TTLL4: variants seen among roughly 807,000 people sequenced by gnomAD.
The protein encoded by TTLL4 is tubulin tyrosine ligase like 4.
TTLL4 carries 85 observed loss-of-function variants against 122.7 expected under a neutral mutation model. That is an observed-to-expected ratio of 0.69 (90% CI 0.58 to 0.83). TTLL4 has a LOEUF of 0.83. Ranked by LOEUF, TTLL4 falls within the 40% of genes least tolerant of loss-of-function variation. The pLI is 0.00. For synonymous variants in TTLL4, 553 were observed against 563.0 expected, an observed-to-expected ratio of 0.98 and a Z score of 0.25; for missense variants, 1,363 against 1,488.6, an observed-to-expected ratio of 0.92 and a Z score of 1.39.
chr2:218,719,685 A>G (rs1292791122), intron 1 of TTLL4, among the ~76,000 whole-genome samples: 1 of 152,090 alleles, frequency 6.6e-6, no homozygotes. Flanking sequence ...TCATGGCCCT[A>G]CTCCACACCA....
In TTLL4 at chr2:218,752,883, T is replaced by C. The variant is rs775082642; in HGVS notation, c.3097T>C (p.Ser1033Pro). Reference sequence around the variant, plus strand: ...ACGAATTTTTCCTTCTCATATCTCCTCTCGCTATCTCCGCTTTTTTGAGCA... The same window carrying C: ...ACGAATTTTTCCTTCTCATATCTCCCCTCGCTATCTCCGCTTTTTTGAGCA... ...FERIFPSHIS[S>P]RYLRFFEQPR... The change falls in exon 17 of 20, where the codon TCT becomes CCT. Residue 1033 changes from serine (S) to proline (P), a missense_variant. By Grantham distance (74) the Ser-to-Pro change is moderately conservative. Around this residue, in one of 3 missense-constraint regions of TTLL4, gnomAD observed 596 missense variants for 655.8 expected, o/e 0.91. Transcript: ENST00000392102. 6 of 1,614,058 alleles carry C rather than the reference T, an allele frequency of 3.7e-6. No homozygotes were observed. In the East Asian group the frequency reaches 1.1e-4, roughly 30 times the overall value.
At chr2:218,753,357 C>T in intron 18 of TTLL4, 172 bp downstream of exon 18, 2 of 866,924 alleles carry the variant, frequency 2.3e-6, no homozygotes, top group South Asian at 3.1e-5. Flanking sequence ...CCAGGATTCC[C>T]TGGGTACCTT....
chr2:218,724,715 C>CTGCCATTT (rs1000661829), intron 1 of TTLL4, among the ~76,000 whole-genome samples: 1 of 152,082 alleles, frequency 6.6e-6, no homozygotes, highest in African/African-American at 2.4e-5. Context: ...GGACTTACTA[C>CTGCCATTT]TGCCATTTTG....
chr2:218,754,325 C>T lies in TTLL4; in HGVS notation c.3536C>T (p.Ser1179Leu), dbSNP rs1202311996. 1.2e-6 allele frequency: 2 copies of T among 1,614,184 alleles called. No individual in the cohort carries two copies. The highest frequency in any genetic ancestry group is 3.3e-5 in the Admixed American group (2 of 60,030). The change falls in exon 20 of 20, where the codon TCA (serine) becomes TTA (leucine). Residue 1179 changes from serine to leucine, a missense_variant. Ser to Leu is a moderately radical substitution (Grantham distance 145). This residue lies in a region of TTLL4 where 596 missense variants were observed against 655.8 expected (regional missense o/e 0.91). Transcript: ENST00000392102. ...GTGATCAAGTGCTCTGGGCAGACTT[C>T]AAGACTTTCTGCTTCCTCCACTTTC... is the stretch of plus-strand genomic sequence containing the variant. ...LPVIKCSGQT[S>L]RLSASSTFQS...
At chr2:218,752,552 A>G (rs1359988687) in intron 16 of TTLL4, among the ~76,000 whole-genome samples, 8 of 152,120 alleles carry the variant, frequency 5.3e-5, no homozygotes, top group East Asian at 1.9e-4. Context: ...CCTGACCCCA[A>G]ACAAGAGTGC....
In TTLL4 at chr2:218,711,486, C is replaced by T. The variant is rs528067730; in HGVS notation, c.-178+449C>T. On this transcript the variant is annotated intron_variant, in intron 1 of 19. Transcript: ENST00000392102. ...TGTAGAAGAATACGTTCCTAAACTCCACAGATTCAAACAGGATCTGAGATC... is the reference window on the plus strand; with the variant it reads ...TGTAGAAGAATACGTTCCTAAACTCTACAGATTCAAACAGGATCTGAGATC... Among the ~76,000 whole-genome samples, 359 of 152,320 alleles carry T rather than the reference C, an allele frequency of 2.4e-3. 1 individual carries two copies. The highest frequency in any genetic ancestry group is 4.0e-3 in the Non-Finnish European group (273 of 68,032).
In TTLL4 at chr2:218,754,349, TC is replaced by T; in HGVS notation, c.3562del (p.Gln1188SerfsTer10). On this transcript the variant is annotated frameshift_variant, in exon 20 of 20. Transcript: ENST00000392102. LOFTEE classifies it high-confidence loss of function. ...TCAAGACTTTCTGCTTCCTCCACTT[TC>T]CAGTCAATCAGTGACTCCCTCCTGG... ...QTSRLSASSTFQSISDSLLAV... is the reference protein window; with the variant it reads ...QTSRLSASSTXQSISDSLLAV... 6.2e-7 allele frequency: 1 copy of T among 1,614,148 alleles called. No homozygotes were observed. The highest frequency in any genetic ancestry group is 8.5e-7 in the Non-Finnish European group (1 of 1,180,024).
At chr2:218,714,540 G>A (rs1327677344) in intron 1 of TTLL4, among the ~76,000 whole-genome samples, 4 of 152,118 alleles carry the variant, frequency 2.6e-5, no homozygotes, top group Non-Finnish European at 4.4e-5. Flanking sequence ...TTCTGGCAGA[G>A]TTGGGAACAA....
intron 3 of TTLL4, among the ~76,000 whole-genome samples, chr2:218,739,469 C>T (rs1055062922): frequency 1.3e-5 from 2 of 152,164 alleles, no homozygotes; most frequent in African/African-American, 4.8e-5. Flanking sequence ...GGCCTGCAAA[C>T]AAAAATATTT....
At chr2:218,722,476 A>G (rs976601524) in intron 1 of TTLL4, among the ~76,000 whole-genome samples, 3 of 152,168 alleles carry the variant, frequency 2.0e-5, no homozygotes, top group African/African-American at 7.2e-5. Flanking sequence ...GGGTAGGACA[A>G]TATTAGATAG....
In TTLL4 at chr2:218,754,621, C is replaced by T. The variant is rs1433129593; in HGVS notation, c.*232C>T. On this transcript the variant is annotated 3_prime_UTR_variant, in exon 20 of 20. Transcript: ENST00000392102. ...CTCTGTCACCTGTCTGCCTGGCTGG[C>T]ACCTCATATCTCAGCAGAGAAGCCA... 4.9e-6 allele frequency: 3 copies of T among 612,470 alleles called. No individual in the cohort carries two copies. In the South Asian group the frequency reaches 6.5e-5, roughly 13 times the overall value. The allele number at this position is 612,470 out of a possible 1,614,324, so 37.9% of individuals were successfully genotyped here. A position where few individuals can be genotyped will look rare whatever the true frequency, so the allele number is the denominator to read the frequency against.
Position 218,746,232 on chromosome 2 carries a change from G to A in TTLL4, c.1974+1G>A. On this transcript the variant is annotated splice_donor_variant, in intron 8 of 19. Transcript: ENST00000392102. LOFTEE classifies it high-confidence loss of function. ...CCGATCCATTCGAGAGCATCAGAAG[G>A]TAGGGGTCCTTTCTGAGGAGCTGTT... 2 of 1,614,034 alleles carry A rather than the reference G, an allele frequency of 1.2e-6. No individual in the cohort carries two copies. Among genetic ancestry groups the A allele is most frequent in the Non-Finnish European group, 1.7e-6 (2 of 1,180,000 alleles).
Position 218,745,697 on chromosome 2 carries a change from A to T in TTLL4, c.1793A>T (p.Lys598Ile). 1 of 1,609,328 alleles carries T rather than the reference A, an allele frequency of 6.2e-7. No individual in the cohort carries two copies. The highest frequency in any genetic ancestry group is 8.5e-7 in the Non-Finnish European group (1 of 1,177,508). Residue 598 changes from lysine (K) to isoleucine (I), a missense_variant, in exon 7 of 20, where the codon AAA (lysine) becomes ATA (isoleucine). This residue lies in a region of TTLL4 where 760 missense variants were observed against 808.4 expected (regional missense o/e 0.94). Coordinates refer to ENST00000392102, the MANE Select transcript of TTLL4 (RefSeq NM_014640.5). ...CCCCTTGCATTCTTCCCAGTGGAGA[A>T]ACTTCCCTGGGAACAGAGGAAGTTG... The part of the protein sequence containing the change: ...YFGTRDERVE[K>I]LPWEQRKLLR...
At chr2:218,756,485 GATAGAC>G (rs1943153954), downstream of TTLL4, among the ~76,000 whole-genome samples, 1 of 152,180 alleles carries the variant, frequency 6.6e-6, no homozygotes. Flanking sequence ...TTGAGTATCT[GATAGAC>G]ATGGGTGTTT....
chr2:218,754,179 G>A lies in TTLL4; in HGVS notation c.3390G>A (p.Gly1130=), dbSNP rs766398691. The A allele has an allele frequency of 1.1e-4, 180 of 1,613,996 alleles. No individual in the cohort carries two copies. The highest frequency in any genetic ancestry group is 1.2e-4 in the Non-Finnish European group (147 of 1,180,038). ...CEVSLLLSED[G]TTPKSKKTQA... is the part of the protein sequence containing the mutation. ...TTAGCCTACTACTCTCTGAAGACGG[G>A]ACCACGCCCAAATCCAAGAAGACTC... The change falls in exon 20 of 20, where the codon GGG becomes GGA. Residue 1130 remains glycine, a synonymous_variant. Transcript: ENST00000392102.
downstream of TTLL4, among the ~76,000 whole-genome samples, chr2:218,757,237 C>T (rs995068067): frequency 6.6e-6 from 1 of 152,208 alleles, no homozygotes; most frequent in Non-Finnish European, 1.5e-5. Flanking sequence ...GGAGGTGGAG[C>T]TGCCATCGAG....
chr2:218,714,752 T>C (rs1181396322), intron 1 of TTLL4, among the ~76,000 whole-genome samples: 8 of 151,850 alleles, frequency 5.3e-5, no homozygotes, highest in Admixed American at 5.2e-4. Context: ...TATATATATA[T>C]ATATTTCAAT....
intron 2 of TTLL4, among the ~76,000 whole-genome samples, chr2:218,732,727 G>A (rs1253921821): frequency 2.6e-5 from 4 of 152,186 alleles, no homozygotes; most frequent in Non-Finnish European, 5.9e-5. Context: ...CAGGATGCGG[G>A]AAAAGATGAC....
chr2:218,715,549 G>T (rs947134307), intron 1 of TTLL4, among the ~76,000 whole-genome samples: 1 of 152,082 alleles, frequency 6.6e-6, no homozygotes, highest in African/African-American at 2.4e-5. Flanking sequence ...AGTATTCTCT[G>T]CAGTTGCAAC....
Sources: allele counts gnomAD v4.1 joint callset (sites outside exome capture counted in the v4.1 genomes callset), GRCh38; gene constraint gnomAD v4.1.1; regional missense constraint gnomAD v4.1.1; transcripts MANE v1.5; gene names NCBI Gene and HGNC (gene_info 2026-07-23, HGNC 2026-07-21).